KHDRBS2: variants seen among roughly 807,000 people sequenced by gnomAD.
KHDRBS2 encodes KH RNA binding domain containing, signal transduction associated 2.
Under a neutral mutation model 44.3 loss-of-function variants are expected in KHDRBS2, and 26 were observed. The ratio of observed to expected loss-of-function variants is 0.59; its 90% confidence interval spans 0.43 to 0.81. KHDRBS2 has a LOEUF of 0.81. Ranked by LOEUF, KHDRBS2 falls within the 40% of genes least tolerant of loss-of-function variation. The pLI is 0.00. For synonymous variants in KHDRBS2, 194 were observed against 151.1 expected (o/e 1.28, Z -2.08); for missense variants, 476 against 433.1 (o/e 1.10, Z -0.88).
At chr6:61,755,461 T>A (rs1013631366) in intron 6 of KHDRBS2, among the ~76,000 whole-genome samples, 2 of 152,090 alleles carry the variant, frequency 1.3e-5, no homozygotes, top group African/African-American at 4.8e-5. Context: ...AAAATTGAAC[T>A]GCCATGTTCA....
intron 1 of KHDRBS2, among the ~76,000 whole-genome samples, chr6:62,278,005 T>C (rs2150194252): frequency 6.6e-6 from 1 of 152,314 alleles, no homozygotes; most frequent in East Asian, 1.9e-4. Context: ...TTTGCTAACA[T>C]TAATGTAGAA....
Position 61,753,216 on chromosome 6 carries a change from C to T in KHDRBS2, c.811-20452G>A, listed in dbSNP as rs541949825. On this transcript the variant is annotated intron_variant, in intron 6 of 8. Coordinates refer to ENST00000281156, the MANE Select transcript of KHDRBS2 (RefSeq NM_152688.4). ...TTCTCCATGTATCATCCCTCTTTGTCTTTCAGCCACCTCCACTCAGCAGAA... is the reference window on the plus strand; with the variant it reads ...TTCTCCATGTATCATCCCTCTTTGTTTTTCAGCCACCTCCACTCAGCAGAA... Among the ~76,000 whole-genome samples, 141 of 152,220 alleles carry T rather than the reference C, an allele frequency of 9.3e-4. 1 individual carries two copies. The highest frequency in any genetic ancestry group is 6.8e-3 in the Middle Eastern group (2 of 294).
intron 8 of KHDRBS2, among the ~76,000 whole-genome samples, chr6:61,681,737 C>A (rs1290775493): frequency 6.6e-6 from 1 of 151,846 alleles, no homozygotes; most frequent in Non-Finnish European, 1.5e-5. Context: ...CTAATTTTGG[C>A]TAGGTTCCAA....
At chr6:62,115,830 G>A (rs1250963086) in intron 2 of KHDRBS2, among the ~76,000 whole-genome samples, 2 of 151,886 alleles carry the variant, frequency 1.3e-5, no homozygotes, top group East Asian at 1.9e-4. Flanking sequence ...AGAGATATGA[G>A]AAATCATATA....
chr6:61,954,523 C>T (rs1341841147), intron 4 of KHDRBS2, among the ~76,000 whole-genome samples: 2 of 146,876 alleles, frequency 1.4e-5, no homozygotes, highest in African/African-American at 5.0e-5. Flanking sequence ...AATATATACA[C>T]ATACATACGT....
At chr6:62,281,764 T>C (rs1405768171) in intron 1 of KHDRBS2, among the ~76,000 whole-genome samples, 2 of 152,304 alleles carry the variant, frequency 1.3e-5, no homozygotes, top group South Asian at 2.1e-4. Flanking sequence ...TTTCCTGTTA[T>C]ATAGATGAAG....
intron 3 of KHDRBS2, among the ~76,000 whole-genome samples, chr6:61,998,655 A>AT (rs913541644): frequency 6.6e-6 from 1 of 152,044 alleles, no homozygotes; most frequent in Non-Finnish European, 1.5e-5. Context: ...TTTTTAGTAT[A>AT]TTTTTTGTGT....
the KHDRBS2 span, among the ~76,000 whole-genome samples, chr6:61,552,389 T>C: frequency 2.6e-5 from 4 of 152,200 alleles, no homozygotes; most frequent in African/African-American, 9.6e-5. Context: ...CTGAAGTTAT[T>C]TATCAGCTCA....
chr6:62,059,048 C>G (rs1257194065), intron 2 of KHDRBS2, among the ~76,000 whole-genome samples: 1 of 151,378 alleles, frequency 6.6e-6, no homozygotes, highest in Non-Finnish European at 1.5e-5. Context: ...TTTCAGAAAA[C>G]TTAGAACTCC....
intron 2 of KHDRBS2, among the ~76,000 whole-genome samples, chr6:62,082,745 A>G (rs748419399): frequency 6.6e-6 from 1 of 152,176 alleles, no homozygotes; most frequent in East Asian, 1.9e-4. Flanking sequence ...ATAGAGGACA[A>G]TAAAGCTGAA....
intron 7 of KHDRBS2, 48 bp from the exon 8 acceptor site, chr6:61,697,301 C>T: frequency 8.3e-7 from 1 of 1,209,556 alleles, no homozygotes; most frequent in Non-Finnish European, 1.2e-6. Context: ...CCAGGAAATT[C>T]AACCCAGAAA....
Position 62,182,722 on chromosome 6 carries a change from C to T in KHDRBS2, c.92-5410G>A, listed in dbSNP as rs543906919. ...TTATAGAAAATAGGAGATGCAATTGCGTGGACTGGCAAGTCATACTATATA... is the reference window on the plus strand; with the variant it reads ...TTATAGAAAATAGGAGATGCAATTGTGTGGACTGGCAAGTCATACTATATA... On this transcript the variant is annotated intron_variant, in intron 1 of 8. Transcript: ENST00000281156. Among the ~76,000 whole-genome samples the T allele has an allele frequency of 1.4e-4, 21 of 151,792 alleles. 1 individual carries two copies. The South Asian group carries it at 4.0e-3, about 29-fold the overall frequency.
chr6:61,914,243 G>GAA (rs924077792), intron 4 of KHDRBS2, among the ~76,000 whole-genome samples: 1 of 149,718 alleles, frequency 6.7e-6, no homozygotes, highest in African/African-American at 2.5e-5. Context: ...GGCAAATAAT[G>GAA]AAAAAAAAAT....
chr6:62,190,625 T>A (rs1256916656), intron 1 of KHDRBS2, among the ~76,000 whole-genome samples: 1 of 152,132 alleles, frequency 6.6e-6, no homozygotes, highest in Non-Finnish European at 1.5e-5. Context: ...GGTTTCATAC[T>A]TTTTTCAATA....
At chr6:61,579,885 C>A in the KHDRBS2 span, among the ~76,000 whole-genome samples, 1 of 118,822 alleles carries the variant, frequency 8.4e-6, no homozygotes, top group Admixed American at 8.7e-5. Flanking sequence ...TGGAGAAACC[C>A]CGTCTCTACT....
intron 4 of KHDRBS2, among the ~76,000 whole-genome samples, chr6:61,925,033 T>C (rs1808706695): frequency 6.6e-6 from 1 of 152,182 alleles, no homozygotes; most frequent in African/African-American, 2.4e-5. Flanking sequence ...ATTTAATTAT[T>C]TCACATTAAT....
chr6:61,572,025 A>T, the KHDRBS2 span, among the ~76,000 whole-genome samples: 5 of 152,156 alleles, frequency 3.3e-5, no homozygotes, highest in African/African-American at 9.6e-5. Flanking sequence ...AAATGAAATA[A>T]AAAGCTGGTT....
chr6:61,669,338 C>A, the KHDRBS2 span, among the ~76,000 whole-genome samples: 291 of 150,926 alleles, frequency 1.9e-3, 2 homozygotes, highest in African/African-American at 6.7e-3. Context: ...CTGACTCTTT[C>A]ATTGTAAACA....
intron 6 of KHDRBS2, among the ~76,000 whole-genome samples, chr6:61,847,878 CAG>C (rs1289821393): frequency 6.6e-6 from 1 of 150,478 alleles, no homozygotes; most frequent in African/African-American, 2.5e-5. Flanking sequence ...TTTTAGAGGT[CAG>C]AATATATTTA....
Sources: allele counts gnomAD v4.1 joint callset (sites outside exome capture counted in the v4.1 genomes callset), GRCh38; gene constraint gnomAD v4.1.1; transcripts MANE v1.5; gene names NCBI Gene and HGNC (gene_info 2026-07-23, HGNC 2026-07-21).